Variants in NHERF4 observed in about 807,000 individuals in gnomAD.
The protein encoded by NHERF4 is Na(+)/H(+) exchange regulatory cofactor NHE-RF4.
chr11:119,187,593 A>G, the NHERF4 span: 1 of 1,588,226 alleles, frequency 6.3e-7, no homozygotes, highest in South Asian at 1.1e-5. Flanking sequence ...GTTGGTGCTA[A>G]GTACTGGAGG....
At chr11:119,185,615 G>A in the NHERF4 span, 1 of 1,112,636 alleles carries the variant, frequency 9.0e-7, no homozygotes, top group Non-Finnish European at 1.4e-6. Flanking sequence ...TTGGGGCTTG[G>A]AGCCCTGAGG....
At chr11:119,187,855 T>C in the NHERF4 span, 1 of 1,468,952 alleles carries the variant, frequency 6.8e-7, no homozygotes, top group Non-Finnish European at 9.0e-7. Flanking sequence ...CTCCACTTAG[T>C]GCCTGGGAGG....
the NHERF4 span, among the ~76,000 whole-genome samples, chr11:119,187,069 G>A: frequency 6.6e-6 from 1 of 151,804 alleles, no homozygotes; most frequent in Non-Finnish European, 1.5e-5. Context: ...GAACATGGGA[G>A]GCGGAGGTTG....
At chr11:119,186,197 T>C in the NHERF4 span, 1 of 1,614,118 alleles carries the variant, frequency 6.2e-7, no homozygotes, top group Non-Finnish European at 8.5e-7. The surrounding 1 kb of genome is among the most constrained non-coding windows in gnomAD (Gnocchi z 4.4). Flanking sequence ...AACCATTCCC[T>C]ATCCCTGGAG....
At chr11:119,189,053 G>C in the NHERF4 span, 1 of 1,614,148 alleles carries the variant, frequency 6.2e-7, no homozygotes. This position sits in a 1 kb window ranked among gnomAD's most constrained non-coding sequence, Gnocchi z 5.8. Flanking sequence ...AGTGGGAGAC[G>C]TGATTCTGGA....
At chr11:119,185,840 T>C in the NHERF4 span, 1 of 1,585,324 alleles carries the variant, frequency 6.3e-7, no homozygotes, top group South Asian at 1.1e-5. Flanking sequence ...TTTCCCTGAG[T>C]CCTTTTAGTT....
chr11:119,186,188 AC>A, the NHERF4 span: 1 of 1,614,058 alleles, frequency 6.2e-7, no homozygotes, highest in Non-Finnish European at 8.5e-7. This position sits in a 1 kb window ranked among gnomAD's most constrained non-coding sequence, Gnocchi z 4.4. Context: ...CCCCCTGGCA[AC>A]CATTCCCTAT....
chr11:119,190,158 C>A, the NHERF4 span: 1 of 865,536 alleles, frequency 1.2e-6, no homozygotes, highest in Non-Finnish European at 1.7e-6. This position sits in a 1 kb window ranked among gnomAD's most constrained non-coding sequence, Gnocchi z 4.2. Flanking sequence ...TAAAAATAAA[C>A]AACAACAAAA....
the NHERF4 span, chr11:119,188,456 C>G: frequency 6.2e-7 from 1 of 1,612,540 alleles, no homozygotes; most frequent in Non-Finnish European, 8.5e-7. Context: ...CGTGGAGGGG[C>G]TGGGCCATGA....
chr11:119,185,658 T>A, the NHERF4 span: 1 of 798,382 alleles, frequency 1.3e-6, no homozygotes, highest in Non-Finnish European at 2.1e-6. Context: ...AGTAATGAGT[T>A]GATATGTCTG....
At chr11:119,185,997 G>T in the NHERF4 span, 1 of 1,613,986 alleles carries the variant, frequency 6.2e-7, no homozygotes, top group Non-Finnish European at 8.5e-7. Flanking sequence ...ATAATTGGAG[G>T]CAGCGAAGCG....
the NHERF4 span, chr11:119,190,136 G>C: frequency 6.1e-6 from 4 of 654,826 alleles, no homozygotes; most frequent in Non-Finnish European, 9.9e-6. The surrounding 1 kb of genome is among the most constrained non-coding windows in gnomAD (Gnocchi z 4.2). Context: ...ATGTCTGTAT[G>C]ACAGCCACTC....
chr11:119,189,134 C>T, the NHERF4 span: 2 of 1,613,952 alleles, frequency 1.2e-6, no homozygotes, highest in Non-Finnish European at 1.7e-6. This position sits in a 1 kb window ranked among gnomAD's most constrained non-coding sequence, Gnocchi z 5.8. Context: ...GGCTGAGCCA[C>T]CCCTCTGCCT....
chr11:119,187,897 C>A, the NHERF4 span: 2 of 1,493,132 alleles, frequency 1.3e-6, no homozygotes, highest in South Asian at 2.7e-5. Flanking sequence ...CCTCTTCTCT[C>A]CCTGCCCAGG....
the NHERF4 span, chr11:119,187,644 C>G: frequency 6.4e-7 from 1 of 1,559,018 alleles, no homozygotes; most frequent in Non-Finnish European, 8.7e-7. Context: ...GGCCCGGCTG[C>G]TGGAAGTGAA....
the NHERF4 span, chr11:119,186,327 C>G: frequency 6.4e-7 from 1 of 1,569,120 alleles, no homozygotes; most frequent in Non-Finnish European, 8.7e-7. The surrounding 1 kb of genome is among the most constrained non-coding windows in gnomAD (Gnocchi z 4.4). Context: ...CTGTCCCAGT[C>G]CCTCTGCCCA....
the NHERF4 span, chr11:119,186,422 C>A: frequency 3.1e-6 from 5 of 1,597,972 alleles, no homozygotes; most frequent in East Asian, 8.9e-5. This position sits in a 1 kb window ranked among gnomAD's most constrained non-coding sequence, Gnocchi z 4.4. Flanking sequence ...CACGGCGAAC[C>A]TGTACTTGGG....
At chr11:119,186,504 C>T in the NHERF4 span, 1 of 1,614,180 alleles carries the variant, frequency 6.2e-7, no homozygotes, top group East Asian at 2.2e-5. This position sits in a 1 kb window ranked among gnomAD's most constrained non-coding sequence, Gnocchi z 4.4. Flanking sequence ...AGCGGCCTCG[C>T]TTCTGTTTAC....
At chr11:119,187,983 C>A in the NHERF4 span, 1 of 1,574,970 alleles carries the variant, frequency 6.3e-7, no homozygotes, top group Non-Finnish European at 8.6e-7. Flanking sequence ...GTGGCAGGGC[C>A]AGAGGTGGAA....
Sources: allele counts gnomAD v4.1 joint callset (sites outside exome capture counted in the v4.1 genomes callset), GRCh38; gene constraint gnomAD v4.1.1; non-coding constraint Gnocchi (gnomAD v3.1); transcripts MANE v1.5; gene names NCBI Gene and HGNC (gene_info 2026-07-23, HGNC 2026-07-21).